ITPR1: variants seen among roughly 807,000 people sequenced by gnomAD.
ITPR1 encodes inositol 1,4,5-trisphosphate-gated calcium channel ITPR1.
A neutral mutation model predicts 318.4 loss-of-function variants in ITPR1; 96 were observed. That is an observed-to-expected ratio of 0.30 (90% CI 0.26 to 0.36). The LOEUF is 0.36. ITPR1 is among the 10% of genes least tolerant of loss of function. The probability of loss-of-function intolerance (pLI) is 1.00; values close to 1 mark genes in which losing one functional copy is unlikely to be tolerated. For missense variants in ITPR1, 2,440 were observed against 3,460.2 expected, an observed-to-expected ratio of 0.71 and a Z score of 7.40; for synonymous variants, 1,312 against 1,289.9, an observed-to-expected ratio of 1.02 and a Z score of -0.37.
intron 61 of ITPR1, among the ~76,000 whole-genome samples, chr3:4,840,360 G>A (rs941721377): frequency 6.6e-6 from 1 of 152,078 alleles, no homozygotes; most frequent in Non-Finnish European, 1.5e-5. Context: ...TAATGACCAA[G>A]AAATCTTGTG....
chr3:4,660,379 C>G (rs1474036383), intron 13 of ITPR1, among the ~76,000 whole-genome samples: 2 of 150,170 alleles, frequency 1.3e-5, no homozygotes, highest in Non-Finnish European at 3.0e-5. Context: ...ATGGGCTACT[C>G]TTTTATTTTC....
chr3:4,733,620 G>C (rs917022513), intron 43 of ITPR1, among the ~76,000 whole-genome samples: 1 of 152,074 alleles, frequency 6.6e-6, no homozygotes, highest in Non-Finnish European at 1.5e-5. Context: ...GAATGCCAGG[G>C]GCTTTCCTAA....
At chr3:4,770,006 G>T (rs922216494) in intron 46 of ITPR1, among the ~76,000 whole-genome samples, 12 of 152,172 alleles carry the variant, frequency 7.9e-5, no homozygotes, top group African/African-American at 2.9e-4. Context: ...TGCCTGAATG[G>T]TGTGAGGATG....
chr3:4,805,084 G>C (rs900504659), intron 54 of ITPR1, among the ~76,000 whole-genome samples: 3 of 152,210 alleles, frequency 2.0e-5, no homozygotes, highest in African/African-American at 7.2e-5. Context: ...GACTCCTTCA[G>C]TTGCAGATGT....
chr3:4,768,535 C>G lies in ITPR1; in HGVS notation c.5750C>G (p.Thr1917Arg). Residue 1917 changes from threonine to arginine, a missense_variant, in exon 46 of 62, where the codon ACA (threonine) becomes AGA (arginine). Physicochemically the swap from Thr to Arg is moderately conservative, Grantham distance 71. Transcript: ENST00000649015. Reference sequence around the variant, plus strand: ...GCTAAAGAGCCCACAACACAGATAACAGAAGAGGTCCGGGATCAGCTCCTG... The same window carrying G: ...GCTAAAGAGCCCACAACACAGATAAGAGAAGAGGTCCGGGATCAGCTCCTG... The part of the protein sequence containing the change: ...KKAKEPTTQI[T>R]EEVRDQLLEA... The G allele has an allele frequency of 6.2e-7, 1 of 1,613,058 alleles. No homozygotes were observed.
At chr3:4,667,725 G>T (rs2093982180) in intron 18 of ITPR1, among the ~76,000 whole-genome samples, 176 bp downstream of exon 18, 1 of 152,116 alleles carries the variant, frequency 6.6e-6, no homozygotes, top group South Asian at 2.1e-4. Flanking sequence ...TGAGACCTGG[G>T]GGTGCATTCC....
At chr3:4,519,951 A>G (rs1425620110) in intron 3 of ITPR1, among the ~76,000 whole-genome samples, 1 of 152,134 alleles carries the variant, frequency 6.6e-6, no homozygotes, top group Admixed American at 6.5e-5. Flanking sequence ...TTTGTGGAGA[A>G]GGTGGGGCTC....
intron 4 of ITPR1, among the ~76,000 whole-genome samples, chr3:4,620,573 C>T (rs752989593): frequency 9.2e-5 from 14 of 152,070 alleles, no homozygotes; most frequent in Non-Finnish European, 1.5e-4. Flanking sequence ...ATCTGTCAAG[C>T]TCCATCCCTC....
rs1295704064 is a variant in ITPR1 at position 4,779,207 on chromosome 3, C to T, written c.6292-343C>T. 6.6e-6 allele frequency among the ~76,000 whole-genome samples: 1 copy of T among 152,270 alleles called. No homozygotes were observed. The highest frequency in any genetic ancestry group is 1.9e-4 in the East Asian group (1 of 5,204). ...TGTAGTAGCAGCTTCTTCCCAACCA[C>T]TGTCACCATGAGGGTGACAGTGTAT... On this transcript the variant is annotated intron_variant, in intron 48 of 61. Coordinates refer to ENST00000649015, the MANE Select transcript of ITPR1 (RefSeq NM_001378452.1). The surrounding 1 kb of genome is among the most constrained non-coding windows in gnomAD (Gnocchi z 4.0).
intron 47 of ITPR1, among the ~76,000 whole-genome samples, chr3:4,776,264 G>T (rs181543541): frequency 2.5e-3 from 381 of 152,234 alleles, no homozygotes; most frequent in African/African-American, 8.7e-3. Flanking sequence ...TAGAGATGGG[G>T]TTTCACCATA....
chr3:4,751,803 G>C (rs935163538), intron 44 of ITPR1, among the ~76,000 whole-genome samples: 2 of 152,150 alleles, frequency 1.3e-5, no homozygotes, highest in African/African-American at 4.8e-5. Flanking sequence ...CTCATTATAA[G>C]GTGCCAACAG....
chr3:4,747,346 A>G (rs1406560970), intron 44 of ITPR1, among the ~76,000 whole-genome samples: 2 of 152,212 alleles, frequency 1.3e-5, no homozygotes, highest in African/African-American at 4.8e-5. Flanking sequence ...GCTCAGAGTC[A>G]CAGAGCCAGC....
chr3:4,731,174 T>A (rs745684057), intron 42 of ITPR1, among the ~76,000 whole-genome samples: 4 of 152,258 alleles, frequency 2.6e-5, no homozygotes, highest in Non-Finnish European at 4.4e-5. Context: ...GCTTTCAAAC[T>A]TGTACTTCTC....
Position 4,674,187 on chromosome 3 carries a change from C to A in ITPR1, c.2457-15C>A, listed in dbSNP as rs2094141760. On this transcript the variant is annotated splice_polypyrimidine_tract_variant and intron_variant, in intron 21 of 61. Coordinates refer to ENST00000649015, the MANE Select transcript of ITPR1 (RefSeq NM_001378452.1). ...ACTTGAAATTTTGTTTCCTTTCTTT[C>A]TCCTTTCTTTTCAGCTATGATAGTA... is the stretch of plus-strand genomic sequence containing the variant. 3 of 1,530,562 alleles carry A rather than the reference C, an allele frequency of 2.0e-6. No individual in the cohort carries two copies. The highest frequency in any genetic ancestry group is 1.4e-5 in the African/African-American group (1 of 71,452). The allele number at this position is 1,530,562 out of a possible 1,614,324, so 94.8% of individuals were successfully genotyped here.
intron 4 of ITPR1, among the ~76,000 whole-genome samples, chr3:4,599,712 C>T (rs770255762): frequency 4.6e-5 from 7 of 152,182 alleles, no homozygotes; most frequent in Non-Finnish European, 8.8e-5. Context: ...TCCCCTACTC[C>T]GACAGTGGCT....
Position 4,768,704 on chromosome 3 carries a change from C to T in ITPR1, c.5919C>T (p.Ile1973=), listed in dbSNP as rs1485374457. Residue 1973 remains isoleucine (I), a synonymous_variant, in exon 46 of 62, where the codon ATC becomes ATT. Transcript: ENST00000649015. Reference sequence around the variant, plus strand: ...TGGAGATGAGCGCGGTCATCACCATCATGCAGCCCATCCTCCGCTTCCTTC... The same window carrying T: ...TGGAGATGAGCGCGGTCATCACCATTATGCAGCCCATCCTCCGCTTCCTTC... ...DDLEMSAVIT[I]MQPILRFLQL... is the part of the protein sequence containing the mutation. 3 of 1,613,662 alleles carry T rather than the reference C, an allele frequency of 1.9e-6. No homozygotes were observed. Among genetic ancestry groups the T allele is most frequent in the South Asian group, 1.1e-5 (1 of 91,070 alleles).
At chr3:4,520,988 TACACTTG>T in intron 3 of ITPR1, 29 bp from the exon 4 acceptor site, 1 of 1,527,002 alleles carries the variant, frequency 6.5e-7, no homozygotes, top group Non-Finnish European at 9.1e-7. Flanking sequence ...TTCATTTTCA[TACACTTG>T]ACAGAGCATT....
At position 4,699,837 on chromosome 3, in the gene ITPR1, A is replaced by C; in HGVS notation, c.4432A>C (p.Lys1478Gln). The stretch of plus-strand genomic sequence containing the variant: ...GGCCTGTAACAACACTAGTGACAGG[A>C]AACATGCAGACTCGATTTTGGAGAA... Reference protein sequence around the residue: ...CRACNNTSDRKHADSILEKYV... With the variant: ...CRACNNTSDRQHADSILEKYV... The change falls in exon 35 of 62, where the codon AAA becomes CAA. Residue 1478 changes from lysine (K) to glutamine (Q), a missense_variant. By Grantham distance (53) the Lys-to-Gln change is moderately conservative. This residue lies in a region of ITPR1 where 73 missense variants were observed against 59.5 expected (regional missense o/e 1.23). Coordinates refer to ENST00000649015, the MANE Select transcript of ITPR1 (RefSeq NM_001378452.1). 1 of 1,613,924 alleles carries C rather than the reference A, an allele frequency of 6.2e-7. No homozygotes were observed. Among genetic ancestry groups the C allele is most frequent in the Non-Finnish European group, 8.5e-7 (1 of 1,179,812 alleles).
At chr3:4,726,954 A>G (rs920744939) in intron 41 of ITPR1, among the ~76,000 whole-genome samples, 172 bp from the exon 42 acceptor site, 18 of 152,356 alleles carry the variant, frequency 1.2e-4, no homozygotes, top group African/African-American at 4.3e-4. Context: ...AGCAGCATCT[A>G]AAGTAATCAA....
Sources: gnomAD v4.1 joint callset for allele counts (sites outside exome capture counted in the v4.1 genomes callset) on GRCh38, gnomAD v4.1.1 for gene constraint, gnomAD v4.1.1 regional missense constraint, Gnocchi (gnomAD v3.1) non-coding constraint, MANE v1.5 for transcripts, NCBI Gene and HGNC (gene_info 2026-07-23, HGNC 2026-07-21) for gene names.